COL9A1: variants seen among roughly 807,000 people sequenced by gnomAD.
The protein encoded by COL9A1 is collagen alpha-1(IX) chain.
COL9A1 carries 104 observed loss-of-function variants against 142.6 expected under a neutral mutation model. That is an observed-to-expected ratio of 0.73 (90% confidence interval 0.62 to 0.86). The LOEUF (loss-of-function observed/expected upper bound fraction) is 0.86, where lower values mean the gene tolerates loss of function less well. Ranked by LOEUF, COL9A1 falls within the 40% of genes least tolerant of loss-of-function variation. COL9A1 has a pLI of 0.00. For missense variants in COL9A1, 1,210 were observed against 1,176.6 expected (o/e 1.03, Z -0.42); for synonymous variants, 466 against 396.0 (o/e 1.18, Z -2.10).
intron 5 of COL9A1, among the ~76,000 whole-genome samples, chr6:70,291,371 A>G (rs1007479779): frequency 1.3e-5 from 2 of 152,052 alleles, no homozygotes; most frequent in African/African-American, 2.4e-5. Flanking sequence ...TCAGACATCA[A>G]ATCCCTTAGG....
At chr6:70,227,424 TAAAAAAAA>T (rs11407353) in intron 36 of COL9A1, among the ~76,000 whole-genome samples, 4 of 50,046 alleles carry the variant, frequency 8.0e-5, no homozygotes, top group African/African-American at 2.3e-4. Flanking sequence ...ATGCAAATTG[TAAAAAAAA>T]AAAAAAAAAA....
At chr6:70,239,365 G>A in intron 32 of COL9A1, 79 bp from the exon 33 acceptor site, 1 of 1,009,914 alleles carries the variant, frequency 9.9e-7, no homozygotes. Flanking sequence ...AAAAGTTATT[G>A]TGCTACTAAA....
intron 32 of COL9A1, among the ~76,000 whole-genome samples, chr6:70,240,141 A>T (rs1770153718): frequency 6.6e-6 from 1 of 152,200 alleles, no homozygotes. Context: ...AAGCAGCTCC[A>T]GCAGTGGAGA....
intron 4 of COL9A1, among the ~76,000 whole-genome samples, chr6:70,295,369 C>A (rs1253436351): frequency 1.4e-5 from 2 of 146,870 alleles, no homozygotes; most frequent in African/African-American, 5.1e-5. Context: ...TCACTGCAAC[C>A]TCCACCTCCT....
In COL9A1 at chr6:70,227,424, T is replaced by TAAAAAAAAAAAA. The variant is rs11407353; in HGVS notation, c.2504-1427_2504-1416dup. Among the ~76,000 whole-genome samples the TAAAAAAAAAAAA allele has an allele frequency of 1.6e-3, 78 of 50,014 alleles. 2 individuals carry two copies. Among genetic ancestry groups the TAAAAAAAAAAAA allele is most frequent in the African/African-American group, 7.2e-3 (64 of 8,856 alleles). 32.8% of individuals were successfully genotyped at this position (50,014 alleles called of 152,430 possible). A position where few individuals can be genotyped will look rare whatever the true frequency, so the allele number is the denominator to read the frequency against. On this transcript the variant is annotated intron_variant, in intron 36 of 37. Coordinates refer to ENST00000357250, the MANE Select transcript of COL9A1 (RefSeq NM_001851.6). The stretch of plus-strand genomic sequence containing the variant: ...CTCATAACAAAATAAATGCAAATTG[T>TAAAAAAAAAAAA]AAAAAAAAAAAAAAAAAAAAAAAAG...
At position 70,255,986 on chromosome 6, in the gene COL9A1, T is replaced by G. The variant is rs559335596; in HGVS notation, c.1504-596A>C. ...GGTTGGCATTAAACATTCTCCATTA[T>G]GTATCTCTACCTTATCCTTCCAATC... is the stretch of plus-strand genomic sequence containing the variant. On this transcript the variant is annotated intron_variant, in intron 21 of 37. Transcript: ENST00000357250. Among the ~76,000 whole-genome samples the G allele has an allele frequency of 4.5e-4, 68 of 152,324 alleles. 1 individual carries two copies. The South Asian group carries it at 0.014, about 31-fold the overall frequency.
chr6:70,285,517 A>T (rs73747738), intron 5 of COL9A1, among the ~76,000 whole-genome samples: 1 of 152,222 alleles, frequency 6.6e-6, no homozygotes, highest in Non-Finnish European at 1.5e-5. Flanking sequence ...CTGACAAAGT[A>T]TATGTGAAAA....
intron 5 of COL9A1, among the ~76,000 whole-genome samples, chr6:70,291,068 C>T (rs1773641234): frequency 6.6e-6 from 1 of 152,044 alleles, no homozygotes; most frequent in African/African-American, 2.4e-5. Flanking sequence ...TCATCTTCAG[C>T]AATTGTCAGC....
At chr6:70,218,591 G>A (rs903117996) in intron 37 of COL9A1, among the ~76,000 whole-genome samples, 6 of 152,170 alleles carry the variant, frequency 3.9e-5, no homozygotes, top group South Asian at 2.1e-4. Context: ...CCAAAAAGCC[G>A]GAAGCCAAAT....
At position 70,266,754 on chromosome 6, in the gene COL9A1, T is replaced by C. The variant is rs201798341; in HGVS notation, c.1304A>G (p.Lys435Arg). ...LPGMRGHKGAKGEIGEPGRQG... is the reference protein window; with the variant it reads ...LPGMRGHKGARGEIGEPGRQG... ...TCTTCCTGGTTCACCAATTTCTCCTTTAGCCCCTTTATGACCCTAACAAAT... is the reference window on the plus strand; with the variant it reads ...TCTTCCTGGTTCACCAATTTCTCCTCTAGCCCCTTTATGACCCTAACAAAT... The change falls in exon 18 of 38, where the codon AAA becomes AGA. Residue 435 changes from lysine (K) to arginine (R), a missense_variant. Coordinates refer to ENST00000357250, the MANE Select transcript of COL9A1 (RefSeq NM_001851.6). 3 of 1,613,510 alleles carry C rather than the reference T, an allele frequency of 1.9e-6. No homozygotes were observed. In the African/African-American group the frequency reaches 4.0e-5, roughly 22 times the overall value.
chr6:70,259,793 T>C (rs1018119424), intron 20 of COL9A1, among the ~76,000 whole-genome samples: 22 of 152,124 alleles, frequency 1.4e-4, no homozygotes, highest in African/African-American at 4.6e-4. Flanking sequence ...CTTATTCCCC[T>C]TGGAATCTCC....
chr6:70,299,341 GT>G (rs1255814503), intron 4 of COL9A1, among the ~76,000 whole-genome samples: 11 of 151,822 alleles, frequency 7.2e-5, no homozygotes, highest in African/African-American at 9.7e-5. Context: ...TTTAATTCTA[GT>G]TTTTTTATAG....
intron 1 of COL9A1, 91 bp from the exon 2 acceptor site, chr6:70,302,165 G>A (rs1486490414): frequency 4.1e-6 from 3 of 727,014 alleles, no homozygotes; most frequent in African/African-American, 3.6e-5. Context: ...CCTAATTAAT[G>A]TAAGGTGATC....
chr6:70,275,075 A>G (rs1316877937), intron 10 of COL9A1: 1 of 400,852 alleles, frequency 2.5e-6, no homozygotes, highest in Non-Finnish European at 4.6e-6. Context: ...AAAAAATGCA[A>G]CATAGCAATT....
Position 70,232,289 on chromosome 6 carries a change from C to T in COL9A1, c.2503+294G>A, listed in dbSNP as rs973863464. 2.0e-5 allele frequency among the ~76,000 whole-genome samples: 3 copies of T among 152,198 alleles called. No homozygotes were observed. The East Asian group carries it at 5.8e-4, about 29-fold the overall frequency. On this transcript the variant is annotated intron_variant, in intron 36 of 37. Transcript: ENST00000357250. The stretch of plus-strand genomic sequence containing the variant: ...ATAGCTGAATGATCGTTTACCAGAT[C>T]CCATTATCTTTGTTTTGAACCATGA...
At chr6:70,257,994 T>A (rs1347005183) in intron 20 of COL9A1, among the ~76,000 whole-genome samples, 1 of 152,194 alleles carries the variant, frequency 6.6e-6, no homozygotes, top group Non-Finnish European at 1.5e-5. Context: ...GCCTATTTTC[T>A]CAAGAGCAGA....
Position 70,279,029 on chromosome 6 carries a change from C to T in COL9A1, c.975+1783G>A, listed in dbSNP as rs148252279. Among the ~76,000 whole-genome samples the T allele has an allele frequency of 2.6e-3, 392 of 152,166 alleles. 5 individuals carry two copies. Among genetic ancestry groups the T allele is most frequent in the African/African-American group, 8.6e-3 (356 of 41,522 alleles). On this transcript the variant is annotated intron_variant, in intron 10 of 37. Transcript: ENST00000357250. ...GACAAGGATTCAGATGACCCATTTACGCTTCAAATACCAAAATAAATTTTT... is the reference window on the plus strand; with the variant it reads ...GACAAGGATTCAGATGACCCATTTATGCTTCAAATACCAAAATAAATTTTT...
chr6:70,254,684 G>A, intron 24 of COL9A1, 155 bp from the exon 25 acceptor site: 1 of 575,056 alleles, frequency 1.7e-6, no homozygotes, highest in African/African-American at 1.9e-5. Context: ...GGGTGGGGGA[G>A]TAGGGTGGGA....
At chr6:70,294,789 C>T (rs931080964) in intron 4 of COL9A1, among the ~76,000 whole-genome samples, 6 of 152,158 alleles carry the variant, frequency 3.9e-5, no homozygotes, top group Non-Finnish European at 7.4e-5. Context: ...TTTAAAAACA[C>T]CCTCCCTCAT....
Sources: allele counts gnomAD v4.1 joint callset (sites outside exome capture counted in the v4.1 genomes callset), GRCh38; gene constraint gnomAD v4.1.1; transcripts MANE v1.5; gene names NCBI Gene and HGNC (gene_info 2026-07-23, HGNC 2026-07-21).